TWIST1: variants seen among roughly 807,000 people sequenced by gnomAD.
The protein encoded by TWIST1 is twist family bHLH transcription factor 1, also known as twist-related protein 1.
In TWIST1, 8 loss-of-function variants were observed where a neutral mutation model predicts 12.9. The observed-to-expected ratio is 0.62, with a 90% CI of 0.37 to 1.12. The LOEUF is 1.12. Ranked by LOEUF, TWIST1 falls within the 50% of genes most tolerant of loss-of-function variation. TWIST1 has a pLI of 0.02. For synonymous variants in TWIST1, 169 were observed against 138.7 expected (o/e 1.22, Z -1.54); for missense variants, 268 against 299.7 (o/e 0.89, Z 0.78).
Position 19,115,609 on chromosome 7 carries a change from T to C in TWIST1, c.*565A>G, listed in dbSNP as rs1788547780. 1 of 152,530 alleles carries C rather than the reference T, an allele frequency of 6.6e-6. No homozygotes were observed. Among genetic ancestry groups the C allele is most frequent in the Admixed American group, 6.5e-5 (1 of 15,278 alleles). 9.4% of individuals were successfully genotyped at this position (152,530 alleles called of 1,614,324 possible). A position where few individuals can be genotyped will look rare whatever the true frequency, so the allele number is the denominator to read the frequency against. On this transcript the variant is annotated 3_prime_UTR_variant, in exon 2 of 2. Coordinates refer to ENST00000242261, the MANE Select transcript of TWIST1 (RefSeq NM_000474.4). ...CCTCAATAAATAAATAGAATGTTGT[T>C]TTTTGTATTTTAAGTTTTTTTTTGT...
chr7:19,116,945 T>A lies in TWIST1; in HGVS notation c.377A>T (p.Glu126Val). The A allele has an allele frequency of 6.2e-7, 1 of 1,613,826 alleles. No homozygotes were observed. Among genetic ancestry groups the A allele is most frequent in the Non-Finnish European group, 8.5e-7 (1 of 1,179,938 alleles). The change falls in exon 1 of 2, where the codon GAG becomes GTG. Residue 126 changes from glutamate to valine, a missense_variant. Transcript: ENST00000242261. ...GATCTTCCGCAGCGCGGCGAACGCC[T>A]CGTTCAGCGACTGGGTGCGCTGGCG... ...RERQRTQSLNEAFAALRKIIP... is the reference protein window; with the variant it reads ...RERQRTQSLNVAFAALRKIIP...
rs1191629925 is a variant in TWIST1, at chr7:19,115,669, AACTG to A, written c.*501_*504del. 6.6e-6 allele frequency: 1 copy of A among 152,288 alleles called. No individual in the cohort carries two copies. The highest frequency in any genetic ancestry group is 1.5e-5 in the Non-Finnish European group (1 of 68,010). 9.4% of individuals were successfully genotyped at this position (152,288 alleles called of 1,614,324 possible). On this transcript the variant is annotated 3_prime_UTR_variant, in exon 2 of 2. Coordinates refer to ENST00000242261, the MANE Select transcript of TWIST1 (RefSeq NM_000474.4). ...CAGAGGAAGGATGAAAAAAAGAATT[AACTG>A]ACTATGGTTTTGCAGGCCAGTTTGA...
downstream of TWIST1, among the ~76,000 whole-genome samples, chr7:19,114,481 A>G (rs1447596114): frequency 6.6e-6 from 1 of 152,202 alleles, no homozygotes; most frequent in Non-Finnish European, 1.5e-5. Context: ...ATCGGATGTA[A>G]AAGCTAAGAA....
chr7:19,113,629 A>G (rs1287605406), downstream of TWIST1: 1 of 152,228 alleles, frequency 6.6e-6, no homozygotes, highest in Non-Finnish European at 1.5e-5. Context: ...CGCCTCATTC[A>G]AAATAAAATT....
downstream of TWIST1, among the ~76,000 whole-genome samples, chr7:19,115,178 C>G (rs1454110515): frequency 6.6e-6 from 1 of 152,202 alleles, no homozygotes. Context: ...TAACAACTAT[C>G]ACCTCAAAAT....
rs202235694 is a variant in TWIST1, at chr7:19,116,999, G to A, written c.323C>T (p.Thr108Met). ...CCGCACGTTGGCCATGACCCGCTGC[G>A]TCTGCAGCTCCTCGTAAGACTGCGG... ...GSPQSYEELQ[T>M]QRVMANVRER... The change falls in exon 1 of 2, where the codon ACG becomes ATG. Residue 108 changes from threonine to methionine, a missense_variant. Coordinates refer to ENST00000242261, the MANE Select transcript of TWIST1 (RefSeq NM_000474.4). 1 of 1,607,604 alleles carries A rather than the reference G, an allele frequency of 6.2e-7. No homozygotes were observed. Among genetic ancestry groups the A allele is most frequent in the Admixed American group, 1.7e-5 (1 of 59,836 alleles).
rs1788598932 is a variant in TWIST1, at chr7:19,117,390, C to T, written c.-69G>A. 3.0e-6 allele frequency: 4 copies of T among 1,317,034 alleles called. No homozygotes were observed. In the South Asian group the frequency reaches 5.2e-5, roughly 17 times the overall value. The allele number at this position is 1,317,034 out of a possible 1,614,324, so 81.6% of individuals were successfully genotyped here. On this transcript the variant is annotated 5_prime_UTR_variant, in exon 1 of 2. Coordinates refer to ENST00000242261, the MANE Select transcript of TWIST1 (RefSeq NM_000474.4). Reference sequence around the variant, plus strand: ...AGAAGAGCGGGGCGCCTCAGCCCGCCAGCTTCCCCCGCGCGCGGCGCCGGC... The same window carrying T: ...AGAAGAGCGGGGCGCCTCAGCCCGCTAGCTTCCCCCGCGCGCGGCGCCGGC...
In TWIST1 at chr7:19,115,862, A is replaced by G. The variant is rs1374885697; in HGVS notation, c.*312T>C. 1.8e-4 allele frequency: 5 copies of G among 28,084 alleles called. No homozygotes were observed. Among genetic ancestry groups the G allele is most frequent in the Non-Finnish European group, 2.5e-4 (5 of 19,870 alleles). The allele number at this position is 28,084 out of a possible 1,614,324, so 1.7% of individuals were successfully genotyped here. On this transcript the variant is annotated 3_prime_UTR_variant, in exon 2 of 2. Coordinates refer to ENST00000242261, the MANE Select transcript of TWIST1 (RefSeq NM_000474.4). ...ATAAAAATAAAAACATTCTTCGTCA[A>G]AAAAAAAAAAAAAAAAAACACAAAC...
At position 19,117,402 on chromosome 7, in the gene TWIST1, C is replaced by G. The variant is rs2522206; in HGVS notation, c.-81G>C. 3.5e-5 allele frequency: 44 copies of G among 1,268,984 alleles called. No individual in the cohort carries two copies. Among genetic ancestry groups the G allele is most frequent in the Non-Finnish European group, 4.2e-5 (42 of 1,001,790 alleles). The allele number at this position is 1,268,984 out of a possible 1,614,324, so 78.6% of individuals were successfully genotyped here. On this transcript the variant is annotated 5_prime_UTR_variant, in exon 1 of 2. Transcript: ENST00000242261. Reference sequence around the variant, plus strand: ...CGCCTCAGCCCGCCAGCTTCCCCCGCGCGCGGCGCCGGCCCGGGCGATGCG... The same window carrying G: ...CGCCTCAGCCCGCCAGCTTCCCCCGGGCGCGGCGCCGGCCCGGGCGATGCG...
At position 19,117,019 on chromosome 7, in the gene TWIST1, C is replaced by G. The variant is rs779988331; in HGVS notation, c.303G>C (p.Gln101His). Residue 101 changes from glutamine to histidine, a missense_variant, in exon 1 of 2, where the codon CAG becomes CAC. Gln to His is a conservative substitution (Grantham distance 24). This residue lies in a region of TWIST1 where 189 missense variants were observed against 172.1 expected (regional missense o/e 1.10). Transcript: ENST00000242261. ...GCTGCGTCTGCAGCTCCTCGTAAGACTGCGGACTCCCGCCGCCGCTGCTGC... is the reference window on the plus strand; with the variant it reads ...GCTGCGTCTGCAGCTCCTCGTAAGAGTGCGGACTCCCGCCGCCGCTGCTGC... ...GGSSSGGGSP[Q>H]SYEELQTQRV... The G allele has an allele frequency of 6.5e-7, 1 of 1,536,470 alleles. No homozygotes were observed. The highest frequency in any genetic ancestry group is 2.0e-5 in the Admixed American group (1 of 49,634).
rs944941417 is a variant in TWIST1 at position 19,117,452 on chromosome 7, A to T, written c.-131T>A. On this transcript the variant is annotated 5_prime_UTR_variant, in exon 1 of 2. Transcript: ENST00000242261. ...GGCCCGCGGAGGAGAGAGCAGGAGG[A>T]CGGACGGGAGGGACCTCCGCGGGGA... 8.4e-7 allele frequency: 1 copy of T among 1,189,736 alleles called. No homozygotes were observed. Among genetic ancestry groups the T allele is most frequent in the South Asian group, 3.1e-5 (1 of 32,452 alleles). The allele number at this position is 1,189,736 out of a possible 1,614,324, so 73.7% of individuals were successfully genotyped here. A position where few individuals can be genotyped will look rare whatever the true frequency, so the allele number is the denominator to read the frequency against.
rs1788544967 is a variant in TWIST1, at chr7:19,115,470, C to T, written c.*704G>A. 6.6e-6 allele frequency: 1 copy of T among 152,530 alleles called. No individual in the cohort carries two copies. The highest frequency in any genetic ancestry group is 1.5e-5 in the Non-Finnish European group (1 of 68,008). The allele number at this position is 152,530 out of a possible 1,614,324, so 9.4% of individuals were successfully genotyped here. A position where few individuals can be genotyped will look rare whatever the true frequency, so the allele number is the denominator to read the frequency against. On this transcript the variant is annotated 3_prime_UTR_variant, in exon 2 of 2. Coordinates refer to ENST00000242261, the MANE Select transcript of TWIST1 (RefSeq NM_000474.4). ...AAAATATAGACCAAACTCTAAGGTT[C>T]TCTAAATTTTTTATATTTATTTATT...
At position 19,117,028 on chromosome 7, in the gene TWIST1, C is replaced by T; in HGVS notation, c.294G>A (p.Gly98=). The T allele has an allele frequency of 6.7e-7, 1 of 1,498,374 alleles. No individual in the cohort carries two copies. Among genetic ancestry groups the T allele is most frequent in the African/African-American group, 1.4e-5 (1 of 68,968 alleles). 92.8% of individuals were successfully genotyped at this position (1,498,374 alleles called of 1,614,324 possible). A position where few individuals can be genotyped will look rare whatever the true frequency, so the allele number is the denominator to read the frequency against. ...GCAGCTCCTCGTAAGACTGCGGACT[C>T]CCGCCGCCGCTGCTGCTGCCGCCGC... ...GGGGGSSSGG[G]SPQSYEELQT... Residue 98 remains glycine (G), a synonymous_variant, in exon 1 of 2, where the codon GGG becomes GGA. Transcript: ENST00000242261.
chr7:19,117,380 C>T lies in TWIST1; in HGVS notation c.-59G>A. The stretch of plus-strand genomic sequence containing the variant: ...GGGGCAGAGGAGAAGAGCGGGGCGC[C>T]TCAGCCCGCCAGCTTCCCCCGCGCG... On this transcript the variant is annotated 5_prime_UTR_variant, in exon 1 of 2. Coordinates refer to ENST00000242261, the MANE Select transcript of TWIST1 (RefSeq NM_000474.4). The T allele has an allele frequency of 1.5e-6, 2 of 1,351,560 alleles. No homozygotes were observed. The highest frequency in any genetic ancestry group is 3.1e-5 in the Admixed American group (1 of 32,690). The allele number at this position is 1,351,560 out of a possible 1,614,324, so 83.7% of individuals were successfully genotyped here. A position where few individuals can be genotyped will look rare whatever the true frequency, so the allele number is the denominator to read the frequency against.
rs753544390 is a variant in TWIST1 at position 19,117,372 on chromosome 7, C to T, written c.-51G>A. On this transcript the variant is annotated 5_prime_UTR_variant, in exon 1 of 2. Transcript: ENST00000242261. The stretch of plus-strand genomic sequence containing the variant: ...GCGGGCCCGGGGCAGAGGAGAAGAG[C>T]GGGGCGCCTCAGCCCGCCAGCTTCC... 3.7e-5 allele frequency: 51 copies of T among 1,372,710 alleles called. 1 individual carries two copies. In the South Asian group the frequency reaches 7.6e-4, roughly 20 times the overall value. 85.0% of individuals were successfully genotyped at this position (1,372,710 alleles called of 1,614,324 possible).
Position 19,115,740 on chromosome 7 carries a change from T to C in TWIST1, c.*434A>G, listed in dbSNP as rs548092290. On this transcript the variant is annotated 3_prime_UTR_variant, in exon 2 of 2. Coordinates refer to ENST00000242261, the MANE Select transcript of TWIST1 (RefSeq NM_000474.4). ...TCTAAAGGTGTTCTTATAGTTCCTCTGATTGTTACCATTTTAAAATAGAGA... is the reference window on the plus strand; with the variant it reads ...TCTAAAGGTGTTCTTATAGTTCCTCCGATTGTTACCATTTTAAAATAGAGA... 6.6e-6 allele frequency: 1 copy of C among 152,378 alleles called. No individual in the cohort carries two copies. Among genetic ancestry groups the C allele is most frequent in the Non-Finnish European group, 1.5e-5 (1 of 68,010 alleles). 9.4% of individuals were successfully genotyped at this position (152,378 alleles called of 1,614,324 possible). A position where few individuals can be genotyped will look rare whatever the true frequency, so the allele number is the denominator to read the frequency against.
In TWIST1 at chr7:19,117,499, A is replaced by G. The variant is rs1563160633; in HGVS notation, c.-178T>C. The G allele has an allele frequency of 1.8e-6, 2 of 1,139,578 alleles. No individual in the cohort carries two copies. The highest frequency in any genetic ancestry group is 1.7e-5 in the African/African-American group (1 of 59,690). The allele number at this position is 1,139,578 out of a possible 1,614,324, so 70.6% of individuals were successfully genotyped here. ...GGGAGGGCGCGCGGGGGAGGCGGGG[A>G]GGGAGGCGGGAGGGGGAGGGGACGG... On this transcript the variant is annotated 5_prime_UTR_variant, in exon 1 of 2. Transcript: ENST00000242261.
chr7:19,116,486 C>A (rs1223103341), intron 1 of TWIST1, among the ~76,000 whole-genome samples, 185 bp downstream of exon 1: 1 of 152,190 alleles, frequency 6.6e-6, no homozygotes, highest in East Asian at 1.9e-4. Flanking sequence ...AGACTGCTCT[C>A]CCTAGCGGGG....
chr7:19,113,839 C>T (rs1788516289), downstream of TWIST1: 1 of 152,140 alleles, frequency 6.6e-6, no homozygotes, highest in Non-Finnish European at 1.5e-5. Flanking sequence ...TTCTTTGACA[C>T]ATCTAGTTCT....
Sources: allele counts gnomAD v4.1 joint callset (sites outside exome capture counted in the v4.1 genomes callset), GRCh38; gene constraint gnomAD v4.1.1; regional missense constraint gnomAD v4.1.1; transcripts MANE v1.5; gene names NCBI Gene and HGNC (gene_info 2026-07-23, HGNC 2026-07-21).